The following PMEL variants were observed in gnomAD, a reference collection of about 807,000 sequenced individuals.
PMEL encodes premelanosome protein, also known as melanocyte protein PMEL.
Under a neutral mutation model 64.9 loss-of-function variants are expected in PMEL, and 53 were observed. The ratio of observed to expected loss-of-function variants is 0.82; its 90% CI spans 0.66 to 1.03. The LOEUF (loss-of-function observed/expected upper bound fraction) is 1.03. PMEL is among the 50% of genes least tolerant of loss of function. PMEL has a pLI of 0.00. For missense variants in PMEL, 716 were observed against 814.9 expected (o/e 0.88, Z 1.48); for synonymous variants, 299 against 316.2 (o/e 0.95, Z 0.58).
At position 55,955,445 on chromosome 12, in the gene PMEL, C is replaced by G. The variant is rs2136435321; in HGVS notation, c.1762+19G>C. ...CTATCCACTCCCTTCCTCATCTTAG[C>G]TCTTGTCCAAGGACCTACCAGGCAT... On this transcript the variant is annotated intron_variant, in intron 9 of 10. Coordinates refer to ENST00000548747, the MANE Select transcript of PMEL (RefSeq NM_001384361.1). 6.2e-7 allele frequency: 1 copy of G among 1,613,754 alleles called. No homozygotes were observed. The highest frequency in any genetic ancestry group is 2.2e-5 in the East Asian group (1 of 44,882).
chr12:55,966,075 AG>A, upstream of PMEL: 1 of 1,613,070 alleles, frequency 6.2e-7, no homozygotes, highest in Non-Finnish European at 8.5e-7. Context: ...ATATAAGAAA[AG>A]GGTGCTCATT....
Position 55,954,168 on chromosome 12 carries a change from G to A in PMEL, c.*46C>T. The A allele has an allele frequency of 6.4e-7, 1 of 1,553,232 alleles. No individual in the cohort carries two copies. Among genetic ancestry groups the A allele is most frequent in the East Asian group, 2.3e-5 (1 of 43,894 alleles). On this transcript the variant is annotated 3_prime_UTR_variant, in exon 11 of 11. Transcript: ENST00000548747. ...CCAGGGAAGACTGGGGGAAATATAG[G>A]TGTTTCTGTCAACTCCAGGAAAATC...
chr12:55,956,479 CTA>C, intron 6 of PMEL: 1 of 435,802 alleles, frequency 2.3e-6, no homozygotes, highest in South Asian at 3.5e-5. Flanking sequence ...ACACCCCACA[CTA>C]TGTCAGGTCC....
intron 1 of PMEL, among the ~76,000 whole-genome samples, chr12:55,963,459 T>C (rs1889179783): frequency 6.6e-6 from 1 of 152,244 alleles, no homozygotes; most frequent in Non-Finnish European, 1.5e-5. Context: ...CCAGACATCG[T>C]GTTATTTTAA....
chr12:55,954,141 TC>T lies in PMEL; in HGVS notation c.*72del. Reference sequence around the variant, plus strand: ...GTATTTATTTCAGTTAATAGTAGTCTCCCAGGGAAGACTGGGGGAAATATAG... The same window carrying T: ...GTATTTATTTCAGTTAATAGTAGTCTCCAGGGAAGACTGGGGGAAATATAG... On this transcript the variant is annotated 3_prime_UTR_variant, in exon 11 of 11. Coordinates refer to ENST00000548747, the MANE Select transcript of PMEL (RefSeq NM_001384361.1). 7.2e-7 allele frequency: 1 copy of T among 1,395,860 alleles called. No individual in the cohort carries two copies. Among genetic ancestry groups the T allele is most frequent in the Non-Finnish European group, 9.8e-7 (1 of 1,016,432 alleles). 86.5% of individuals were successfully genotyped at this position (1,395,860 alleles called of 1,614,324 possible). A position where few individuals can be genotyped will look rare whatever the true frequency, so the allele number is the denominator to read the frequency against.
At chr12:55,962,947 G>C (rs1565777571) in intron 1 of PMEL, among the ~76,000 whole-genome samples, 1 of 151,924 alleles carries the variant, frequency 6.6e-6, no homozygotes, top group Non-Finnish European at 1.5e-5. Flanking sequence ...TGGATCACAA[G>C]GTCAGGAGTT....
chr12:55,966,613 T>C, upstream of PMEL: 1 of 973,020 alleles, frequency 1.0e-6, no homozygotes, highest in African/African-American at 1.7e-5. Flanking sequence ...AGCAGGTACT[T>C]GGGAAGAGTG....
upstream of PMEL, chr12:55,966,524 C>T (rs186060974): frequency 3.3e-6 from 1 of 303,264 alleles, no homozygotes; most frequent in East Asian, 1.5e-4. Flanking sequence ...CATATTTTCC[C>T]CAGGATTGGT....
rs141332969 is a variant in PMEL at position 55,957,413 on chromosome 12, G to A, written c.890C>T (p.Pro297Leu). The change falls in exon 6 of 11, where the codon CCT (proline) becomes CTT (leucine). Residue 297 changes from proline to leucine, a missense_variant. Physicochemically the swap from Pro to Leu is moderately conservative, Grantham distance 98. Coordinates refer to ENST00000548747, the MANE Select transcript of PMEL (RefSeq NM_001384361.1). ...TAQVVLQAAI[P>L]LTSCGSSPVP... is the part of the protein sequence containing the mutation. ...TGGGGAGGAGCCACAGGAGGTGAGA[G>A]GAATGGCAGCCTGCAGGACCACCTG... 4.4e-6 allele frequency: 7 copies of A among 1,606,502 alleles called. No homozygotes were observed. Among genetic ancestry groups the A allele is most frequent in the Non-Finnish European group, 3.4e-6 (4 of 1,175,214 alleles).
At chr12:55,958,912 G>A (rs2136441632) in intron 3 of PMEL, among the ~76,000 whole-genome samples, 1 of 152,096 alleles carries the variant, frequency 6.6e-6, no homozygotes, top group African/African-American at 2.4e-5. Flanking sequence ...CTCCCGAGTA[G>A]CTGGGACTAC....
At position 55,956,112 on chromosome 12, in the gene PMEL, C is replaced by T. The variant is rs778026692; in HGVS notation, c.1462G>A (p.Asp488Asn). The T allele has an allele frequency of 5.0e-6, 8 of 1,610,202 alleles. No individual in the cohort carries two copies. The South Asian group carries it at 8.8e-5, about 18-fold the overall frequency. Residue 488 changes from aspartate (D) to asparagine (N), a missense_variant, in exon 7 of 11, where the codon GAC becomes AAC. Transcript: ENST00000548747. Reference sequence around the variant, plus strand: ...AGTAGGCAAGACTCACGGACAATGTCCAGGGTGACGGAAAAGGAACCATAT... The same window carrying T: ...AGTAGGCAAGACTCACGGACAATGTTCAGGGTGACGGAAAAGGAACCATAT... ...YRYGSFSVTL[D>N]IVQGIESAEI...
At chr12:55,964,100 A>T (rs532341210) in intron 1 of PMEL, among the ~76,000 whole-genome samples, 1 of 150,990 alleles carries the variant, frequency 6.6e-6, no homozygotes, top group South Asian at 2.1e-4. Context: ...CTTCCTCATT[A>T]GCCTCCCAAG....
chr12:55,963,167 A>G (rs1277965527), intron 1 of PMEL, among the ~76,000 whole-genome samples: 1 of 152,148 alleles, frequency 6.6e-6, no homozygotes, highest in East Asian at 1.9e-4. Context: ...AAAAAAAAAA[A>G]AAAATTTACT....
intron 8 of PMEL, 42 bp downstream of exon 8, chr12:55,955,737 C>T (rs372115821): frequency 1.9e-4 from 305 of 1,608,952 alleles, no homozygotes; most frequent in Non-Finnish European, 1.9e-4. Context: ...AGCGGAGAAA[C>T]AGTCAACCAA....
rs1273435227 is a variant in PMEL, at chr12:55,955,547, C to A, written c.1679G>T (p.Gly560Val). The A allele has an allele frequency of 1.9e-6, 3 of 1,614,152 alleles. No individual in the cohort carries two copies. The highest frequency in any genetic ancestry group is 2.5e-6 in the Non-Finnish European group (3 of 1,180,024). Residue 560 changes from glycine to valine, a missense_variant, in exon 9 of 11, where the codon GGT (glycine) becomes GTT (valine). Coordinates refer to ENST00000548747, the MANE Select transcript of PMEL (RefSeq NM_001384361.1). ...CQLVLHQILK[G>V]GSGTYCLNVS... The stretch of plus-strand genomic sequence containing the variant: ...ATTGAGGCAGTATGTCCCCGAGCCA[C>A]CCTTCAGTATCTGGTGCAGAACCAG...
At chr12:55,962,141 G>C (rs567670450) in intron 1 of PMEL, among the ~76,000 whole-genome samples, 92 of 151,648 alleles carry the variant, frequency 6.1e-4, no homozygotes, top group Admixed American at 1.1e-3. Context: ...CGGCTGAAGT[G>C]CATTTTTAAA....
intron 3 of PMEL, among the ~76,000 whole-genome samples, chr12:55,961,043 A>T (rs1889082505): frequency 6.6e-6 from 1 of 151,316 alleles, no homozygotes; most frequent in Non-Finnish European, 1.5e-5. Context: ...CTCTACTAAA[A>T]ATACAAAAAA....
chr12:55,955,444 G>A lies in PMEL; in HGVS notation c.1762+20C>T, dbSNP rs1888829816. On this transcript the variant is annotated intron_variant, in intron 9 of 10. Transcript: ENST00000548747. The stretch of plus-strand genomic sequence containing the variant: ...TCTATCCACTCCCTTCCTCATCTTA[G>A]CTCTTGTCCAAGGACCTACCAGGCA... The A allele has an allele frequency of 3.7e-6, 6 of 1,613,272 alleles. No individual in the cohort carries two copies. The East Asian group carries it at 1.3e-4, about 36-fold the overall frequency.
intron 3 of PMEL, among the ~76,000 whole-genome samples, chr12:55,958,931 A>C (rs1888999888): frequency 6.6e-6 from 1 of 151,752 alleles, no homozygotes; most frequent in Non-Finnish European, 1.5e-5. Flanking sequence ...ACAGGTATGC[A>C]CCACCATACC....
Sources: gnomAD v4.1 joint callset for allele counts (sites outside exome capture counted in the v4.1 genomes callset) on GRCh38, gnomAD v4.1.1 for gene constraint, MANE v1.5 for transcripts, NCBI Gene and HGNC (gene_info 2026-07-23, HGNC 2026-07-21) for gene names.